Variants in MLLT10 observed in about 807,000 individuals in gnomAD.
The protein encoded by MLLT10 is MLLT10 histone lysine methyltransferase DOT1L cofactor, also known as protein AF-10.
A neutral mutation model predicts 129.1 loss-of-function variants in MLLT10; 30 were observed. The ratio of observed to expected loss-of-function variants is 0.23; its 90% CI spans 0.17 to 0.32. The LOEUF (loss-of-function observed/expected upper bound fraction) is 0.32. Ranked by LOEUF, MLLT10 falls within the 10% of genes least tolerant of loss-of-function variation. The pLI, the probability that MLLT10 is intolerant of heterozygous loss-of-function variation, is 1.00. For missense variants in MLLT10, 1,119 were observed against 1,268.3 expected (o/e 0.88, Z 1.79); for synonymous variants, 490 against 446.4 (o/e 1.10, Z -1.23).
chr10:21,617,305 A>C lies in MLLT10; in HGVS notation c.699+98A>C, dbSNP rs1172969896. ...AATTACATTCTTGATAGTTAAATGG[A>C]GACATTGAAATATAGAAACATTTTG... is the stretch of plus-strand genomic sequence containing the variant. On this transcript the variant is annotated intron_variant, in intron 8 of 22. Transcript: ENST00000307729. 1.5e-5 allele frequency: 7 copies of C among 461,254 alleles called. No homozygotes were observed. The Admixed American group carries it at 2.3e-4, about 15-fold the overall frequency. 28.6% of individuals were successfully genotyped at this position (461,254 alleles called of 1,614,324 possible).
intron 3 of MLLT10, among the ~76,000 whole-genome samples, chr10:21,563,464 A>G (rs1429412798): frequency 1.3e-5 from 2 of 152,198 alleles, no homozygotes; most frequent in East Asian, 3.9e-4. Flanking sequence ...CAGAGGTTGC[A>G]GTGAGCTGAG....
intron 3 of MLLT10, among the ~76,000 whole-genome samples, chr10:21,564,014 G>A (rs189450895): frequency 2.0e-5 from 3 of 152,038 alleles, no homozygotes; most frequent in Admixed American, 6.6e-5. Context: ...GGGTTTCACC[G>A]TCTTAGCCAG....
chr10:21,675,708 G>A (rs2052021690), intron 11 of MLLT10, among the ~76,000 whole-genome samples: 1 of 152,128 alleles, frequency 6.6e-6, no homozygotes, highest in Non-Finnish European at 1.5e-5. Context: ...AATCACATGA[G>A]TACCTTACTG....
chr10:21,572,046 C>T (rs1482744322), intron 3 of MLLT10: 1 of 152,198 alleles, frequency 6.6e-6, no homozygotes, highest in East Asian at 1.9e-4. Context: ...TTTATTTCCT[C>T]TAAAAGGTTT....
At chr10:21,664,928 GCTT>G (rs1234925418) in intron 9 of MLLT10, among the ~76,000 whole-genome samples, 3 of 148,778 alleles carry the variant, frequency 2.0e-5, no homozygotes, top group African/African-American at 7.4e-5. Flanking sequence ...TTTAAAATAG[GCTT>G]CTTTTTTCTT....
intron 13 of MLLT10, among the ~76,000 whole-genome samples, chr10:21,685,003 A>G (rs1439463795): frequency 1.3e-5 from 2 of 151,096 alleles, no homozygotes; most frequent in Non-Finnish European, 3.0e-5. Context: ...TTTTTTTCAG[A>G]CTCTTTGATA....
rs759152635 is a variant in MLLT10 at position 21,727,833 on chromosome 10, G to T, written c.1991-23G>T. ...TTATCTAGTGAGAGTCACTTTATCA[G>T]CTCTGAAATATTTACACTACAGATC... is the stretch of plus-strand genomic sequence containing the variant. On this transcript the variant is annotated intron_variant, in intron 15 of 22. Coordinates refer to ENST00000307729, the MANE Select transcript of MLLT10 (RefSeq NM_001195626.3). 9 of 1,600,934 alleles carry T rather than the reference G, an allele frequency of 5.6e-6. No individual in the cohort carries two copies. In the African/African-American group the frequency reaches 1.2e-4, roughly 21 times the overall value.
chr10:21,647,831 G>T (rs1158680422), intron 8 of MLLT10, among the ~76,000 whole-genome samples: 2 of 150,930 alleles, frequency 1.3e-5, no homozygotes, highest in African/African-American at 4.9e-5. Context: ...GTTTTTTAAT[G>T]ATTTGTTTTT....
intron 8 of MLLT10, among the ~76,000 whole-genome samples, chr10:21,626,558 T>G (rs2046462090): frequency 6.6e-6 from 1 of 152,124 alleles, no homozygotes; most frequent in Admixed American, 6.5e-5. Flanking sequence ...CCAAACGCCT[T>G]TTAATGGCCC....
chr10:21,614,415 G>A (rs1376860153), intron 6 of MLLT10, among the ~76,000 whole-genome samples: 4 of 151,978 alleles, frequency 2.6e-5, no homozygotes, highest in Non-Finnish European at 5.9e-5. Context: ...TGCATCCATG[G>A]GCTAAATACC....
chr10:21,713,708 T>G (rs933022767), intron 13 of MLLT10, 64 bp from the exon 14 acceptor site: 46 of 1,420,812 alleles, frequency 3.2e-5, no homozygotes, highest in Non-Finnish European at 2.9e-6. Flanking sequence ...AGTTTACTGA[T>G]TATGTGTGTC....
chr10:21,634,519 C>G (rs2047285051), intron 8 of MLLT10, among the ~76,000 whole-genome samples: 1 of 152,182 alleles, frequency 6.6e-6, no homozygotes, highest in South Asian at 2.1e-4. Context: ...GCTTTCATTT[C>G]CCTGTGAGAT....
At chr10:21,573,964 G>C (rs1191527993) in intron 3 of MLLT10, among the ~76,000 whole-genome samples, 2 of 152,116 alleles carry the variant, frequency 1.3e-5, no homozygotes, top group East Asian at 1.9e-4. Flanking sequence ...TTTTTGTCAA[G>C]TGCTGGTATT....
intron 5 of MLLT10, among the ~76,000 whole-genome samples, chr10:21,597,791 C>T (rs2043155189): frequency 6.6e-6 from 1 of 152,186 alleles, no homozygotes; most frequent in South Asian, 2.1e-4. Context: ...TTGGATTTGC[C>T]TGATGTTTCA....
At chr10:21,715,259 G>A (rs372085249) in intron 14 of MLLT10, among the ~76,000 whole-genome samples, 3 of 152,188 alleles carry the variant, frequency 2.0e-5, no homozygotes, top group Non-Finnish European at 2.9e-5. Context: ...TTAAAATTAC[G>A]TATTAGAATC....
chr10:21,670,886 G>C, intron 10 of MLLT10, 182 bp downstream of exon 10: 5 of 603,592 alleles, frequency 8.3e-6, no homozygotes, highest in Non-Finnish European at 1.3e-5. Flanking sequence ...TTTTAATAGG[G>C]ACTTTTTCTT....
intron 4 of MLLT10, among the ~76,000 whole-genome samples, chr10:21,590,249 T>C (rs2042371430): frequency 1.3e-5 from 2 of 152,320 alleles, no homozygotes; most frequent in South Asian, 4.1e-4. Context: ...CCTATTTTTA[T>C]AAACTTAAGT....
intron 14 of MLLT10, among the ~76,000 whole-genome samples, chr10:21,715,876 G>A (rs912646876): frequency 1.3e-5 from 2 of 152,204 alleles, no homozygotes; most frequent in Non-Finnish European, 2.9e-5. Context: ...TCTTACAAAT[G>A]TGATCATCCA....
chr10:21,602,473 T>A (rs2043633566), intron 5 of MLLT10, among the ~76,000 whole-genome samples: 1 of 152,218 alleles, frequency 6.6e-6, no homozygotes, highest in African/African-American at 2.4e-5. Context: ...CTTTTGTATA[T>A]ACCACCTCTT....
Sources: gnomAD v4.1 joint callset for allele counts (sites outside exome capture counted in the v4.1 genomes callset) on GRCh38, gnomAD v4.1.1 for gene constraint, MANE v1.5 for transcripts, NCBI Gene and HGNC (gene_info 2026-07-23, HGNC 2026-07-21) for gene names.